The following PRKDC variants were observed in gnomAD, a reference collection of about 807,000 sequenced individuals.
PRKDC encodes protein kinase, DNA-activated, catalytic subunit.
PRKDC carries 82 observed loss-of-function variants against 486.9 expected under a neutral mutation model. The ratio of observed to expected loss-of-function variants is 0.17; its 90% confidence interval spans 0.14 to 0.20. PRKDC has a LOEUF of 0.20. Ranked by LOEUF, PRKDC falls within the 10% of genes least tolerant of loss-of-function variation. The pLI is 1.00. For synonymous variants in PRKDC, 1,895 were observed against 1,837.0 expected (o/e 1.03, Z -0.81); for missense variants, 4,504 against 5,038.2 (o/e 0.89, Z 3.21).
At chr8:47,818,632 A>T (rs1226413237) in intron 67 of PRKDC, among the ~76,000 whole-genome samples, 1 of 151,942 alleles carries the variant, frequency 6.6e-6, no homozygotes, top group East Asian at 1.9e-4. Flanking sequence ...AGAGATTAAC[A>T]TAGCTCCTGA....
chr8:47,790,798 G>A (rs2086869559), intron 74 of PRKDC, among the ~76,000 whole-genome samples: 1 of 152,076 alleles, frequency 6.6e-6, no homozygotes, highest in South Asian at 2.1e-4. Flanking sequence ...AATGTGCCAA[G>A]AACATACATC....
Position 47,854,131 on chromosome 8 carries a change from G to A in PRKDC, c.6845C>T (p.Ala2282Val), listed in dbSNP as rs777234577. Residue 2282 changes from alanine to valine, a missense_variant, in exon 51 of 86, where the codon GCC becomes GTC. Around this residue, in one of 6 missense-constraint regions of PRKDC, gnomAD observed 1,592 missense variants for 1,724.6 expected, o/e 0.92. Transcript: ENST00000314191. ...VGIQLLGIVMANDLPPYDPQC... is the reference protein window; with the variant it reads ...VGIQLLGIVMVNDLPPYDPQC... ...TGGGTCATAGGGAGGCAGGTCATTG[G>A]CCATCACGATGCCTAGCAATTGAAT... is the stretch of plus-strand genomic sequence containing the variant. 2 of 1,613,910 alleles carry A rather than the reference G, an allele frequency of 1.2e-6. No homozygotes were observed. Among genetic ancestry groups the A allele is most frequent in the Admixed American group, 3.3e-5 (2 of 60,026 alleles).
intron 14 of PRKDC, 57 bp downstream of exon 14, chr8:47,934,952 A>C: frequency 3.0e-6 from 4 of 1,348,922 alleles, no homozygotes; most frequent in Non-Finnish European, 4.1e-6. Context: ...CCTCAGCAAC[A>C]TTCCTAGCTT....
At chr8:47,874,152 T>C (rs998673077) in intron 40 of PRKDC, among the ~76,000 whole-genome samples, 3 of 151,914 alleles carry the variant, frequency 2.0e-5, no homozygotes, top group Non-Finnish European at 2.9e-5. Context: ...GGTTTCACCT[T>C]GTTAGCCAGG....
In PRKDC at chr8:47,837,427, G is replaced by A. The variant is rs1170993977; in HGVS notation, c.7554-8C>T. 1 of 1,580,912 alleles carries A rather than the reference G, an allele frequency of 6.3e-7. No homozygotes were observed. The highest frequency in any genetic ancestry group is 1.1e-5 in the South Asian group (1 of 89,728). On this transcript the variant is annotated splice_region_variant and splice_polypyrimidine_tract_variant and intron_variant, in intron 56 of 85. Transcript: ENST00000314191. ...AAATTTCGAATAATTAATCTGAAAA[G>A]CAAAGAGAAAAAAGTATATTGCTTA...
chr8:47,873,339 T>C (rs540778009), intron 40 of PRKDC, among the ~76,000 whole-genome samples: 1 of 150,948 alleles, frequency 6.6e-6, no homozygotes, highest in South Asian at 2.1e-4. Context: ...GAGTTCAAGA[T>C]AAGCCTGGCC....
At chr8:47,922,063 G>C (rs373985360) in intron 21 of PRKDC, among the ~76,000 whole-genome samples, 117 of 151,322 alleles carry the variant, frequency 7.7e-4, no homozygotes, top group African/African-American at 2.9e-3. Context: ...TTACAGGCGT[G>C]AGCCACTGCA....
chr8:47,846,486 C>A (rs1213946277), intron 54 of PRKDC, among the ~76,000 whole-genome samples: 1 of 151,148 alleles, frequency 6.6e-6, no homozygotes, highest in Non-Finnish European at 1.5e-5. Context: ...ACAAACCAGG[C>A]ATCAAAGGAA....
intron 55 of PRKDC, 88 bp from the exon 56 acceptor site, chr8:47,839,334 T>C: frequency 1.1e-6 from 1 of 915,886 alleles, no homozygotes; most frequent in South Asian, 1.4e-5. Flanking sequence ...TAGAATTCAA[T>C]TTTAAAAGGC....
chr8:47,881,044 A>T (rs1364752567), intron 38 of PRKDC, among the ~76,000 whole-genome samples: 6 of 125,950 alleles, frequency 4.8e-5, no homozygotes, highest in South Asian at 5.1e-4. Flanking sequence ...GAGACTGTCT[A>T]AAAAAAAAAA....
intron 1 of PRKDC, among the ~76,000 whole-genome samples, chr8:47,958,691 T>C (rs1434543678): frequency 6.6e-6 from 1 of 151,956 alleles, no homozygotes; most frequent in Non-Finnish European, 1.5e-5. Context: ...GTTAATATAT[T>C]CTTGACAACA....
intron 73 of PRKDC, among the ~76,000 whole-genome samples, chr8:47,795,694 C>T (rs2086971640): frequency 2.0e-5 from 3 of 151,830 alleles, no homozygotes; most frequent in South Asian, 2.1e-4. Context: ...AGTTTCGCCA[C>T]GTTGGCCAGA....
chr8:47,856,356 T>C (rs561892957), intron 49 of PRKDC, among the ~76,000 whole-genome samples: 3 of 152,192 alleles, frequency 2.0e-5, no homozygotes, highest in Admixed American at 2.0e-4. Flanking sequence ...GCCTCCCGAA[T>C]AGCTAGGATT....
intron 25 of PRKDC, among the ~76,000 whole-genome samples, chr8:47,907,450 C>A (rs118116054): frequency 6.6e-6 from 1 of 150,854 alleles, no homozygotes; most frequent in Admixed American, 6.6e-5. Flanking sequence ...TACAGACATA[C>A]CCCTTTATAG....
At chr8:47,798,686 G>A (rs940162309) in intron 72 of PRKDC, among the ~76,000 whole-genome samples, 1 of 152,134 alleles carries the variant, frequency 6.6e-6, no homozygotes, top group African/African-American at 2.4e-5. Flanking sequence ...CATGAAGCAG[G>A]CCACACGAGC....
intron 73 of PRKDC, among the ~76,000 whole-genome samples, chr8:47,796,324 G>A (rs1014985564): frequency 1.3e-5 from 2 of 151,734 alleles, no homozygotes; most frequent in African/African-American, 4.8e-5. Context: ...GGGTGACAGC[G>A]AGACTCCGTC....
At chr8:47,893,524 A>C in intron 30 of PRKDC, 137 bp from the exon 31 acceptor site, 1 of 904,912 alleles carries the variant, frequency 1.1e-6, no homozygotes, top group Non-Finnish European at 1.5e-6. Context: ...CACTGTAATT[A>C]CTTCCAAGAA....
intron 55 of PRKDC, 59 bp downstream of exon 55, chr8:47,839,957 A>G: frequency 1.5e-6 from 2 of 1,367,334 alleles, no homozygotes; most frequent in Non-Finnish European, 2.0e-6. Context: ...AGCCTCGTCG[A>G]CAGAGCAAGA....
At chr8:47,856,450 A>G (rs762151962) in intron 49 of PRKDC, among the ~76,000 whole-genome samples, 2 of 152,156 alleles carry the variant, frequency 1.3e-5, no homozygotes, top group Admixed American at 1.3e-4. Flanking sequence ...GGCTGGTCTC[A>G]AACTCCTGAC....
Sources: allele counts gnomAD v4.1 joint callset (sites outside exome capture counted in the v4.1 genomes callset), GRCh38; gene constraint gnomAD v4.1.1; regional missense constraint gnomAD v4.1.1; transcripts MANE v1.5; gene names NCBI Gene and HGNC (gene_info 2026-07-23, HGNC 2026-07-21).